The following ARHGAP6 variants were observed in gnomAD, a reference collection of about 807,000 sequenced individuals.
The protein encoded by ARHGAP6 is Rho GTPase activating protein 6.
In ARHGAP6, 16 loss-of-function variants were observed where a neutral mutation model predicts 55.7. The ratio of observed to expected loss-of-function variants is 0.29; its 90% confidence interval spans 0.19 to 0.44. The LOEUF (loss-of-function observed/expected upper bound fraction) is 0.44, where lower values mean the gene tolerates loss of function less well. ARHGAP6 is among the 20% of genes least tolerant of loss of function. ARHGAP6 has a pLI of 1.00. For synonymous variants in ARHGAP6, 382 were observed against 360.9 expected, an observed-to-expected ratio of 1.06 and a Z score of -0.66; for missense variants, 698 against 808.9, an observed-to-expected ratio of 0.86 and a Z score of 1.66.
intron 9 of ARHGAP6, among the ~76,000 whole-genome samples, chrX:11,160,054 G>C (rs1045761636): frequency 9.0e-6 from 1 of 110,821 alleles, no homozygotes; most frequent in African/African-American, 3.3e-5. Context: ...TGTATGTCCC[G>C]ATCTCTTTTT....
intron 1 of ARHGAP6, among the ~76,000 whole-genome samples, chrX:11,285,132 C>T (rs1405015994): frequency 9.3e-6 from 1 of 107,024 alleles, no homozygotes; most frequent in Non-Finnish European, 1.9e-5. Context: ...GAGTGGGGAA[C>T]AGATCTTTCC....
intron 1 of ARHGAP6, among the ~76,000 whole-genome samples, chrX:11,465,891 A>G (rs909231105): frequency 2.3e-4 from 25 of 110,449 alleles, no homozygotes; most frequent in Non-Finnish European, 4.2e-4. Flanking sequence ...ACTCAACTAT[A>G]TTTTCCTACC....
intron 1 of ARHGAP6, among the ~76,000 whole-genome samples, chrX:11,437,049 T>C (rs1475265467): frequency 9.2e-6 from 1 of 109,238 alleles, no homozygotes; most frequent in East Asian, 2.9e-4. Flanking sequence ...TTTACCTCCA[T>C]AAAGTAGAAG....
chrX:11,521,543 C>G lies in ARHGAP6; in HGVS notation c.588+142698G>C, dbSNP rs985042733. Among the ~76,000 whole-genome samples, 6 of 111,951 alleles carry G rather than the reference C, an allele frequency of 5.4e-5. No homozygotes were observed. In the Admixed American group the frequency reaches 5.7e-4, roughly 11 times the overall value. The stretch of plus-strand genomic sequence containing the variant: ...TCTCTGTTTTGGTATCAGTACCATG[C>G]TGTTTTGGTTACTGTAGCCTTATAG... On this transcript the variant is annotated intron_variant, in intron 1 of 12. Transcript: ENST00000337414.
At chrX:11,643,184 C>T (rs981406073) in intron 1 of ARHGAP6, among the ~76,000 whole-genome samples, 3 of 111,835 alleles carry the variant, frequency 2.7e-5, no homozygotes, top group Non-Finnish European at 5.7e-5. Context: ...ACACCAGAGC[C>T]TTGTCTTCCC....
chrX:11,151,772 T>G (rs1169223777), intron 10 of ARHGAP6, among the ~76,000 whole-genome samples: 1 of 112,167 alleles, frequency 8.9e-6, no homozygotes, highest in Non-Finnish European at 1.9e-5. Context: ...TCTTTTCCCC[T>G]CCAAATAAAA....
chrX:11,357,276 T>A (rs1034288908), intron 1 of ARHGAP6, among the ~76,000 whole-genome samples: 6 of 111,872 alleles, frequency 5.4e-5, no homozygotes, highest in African/African-American at 1.9e-4. Context: ...TTACCTTTTA[T>A]AATATAATTT....
At chrX:11,618,495 T>C (rs1312473001) in intron 1 of ARHGAP6, among the ~76,000 whole-genome samples, 2 of 112,171 alleles carry the variant, frequency 1.8e-5, no homozygotes, top group African/African-American at 6.5e-5. Flanking sequence ...GCTGATATAT[T>C]CTAGGTGTCT....
intron 1 of ARHGAP6, among the ~76,000 whole-genome samples, chrX:11,365,171 G>A (rs770292346): frequency 6.2e-5 from 7 of 112,152 alleles, no homozygotes; most frequent in Non-Finnish European, 9.4e-5. Context: ...TGAAACTGAT[G>A]CAGCCATCTT....
At chrX:11,422,841 A>G (rs961407158) in intron 1 of ARHGAP6, among the ~76,000 whole-genome samples, 3 of 112,396 alleles carry the variant, frequency 2.7e-5, no homozygotes, top group African/African-American at 9.7e-5. Context: ...CTGATTTTTT[A>G]TCAATTAGTA....
chrX:11,512,094 G>A (rs1333613625), intron 1 of ARHGAP6, among the ~76,000 whole-genome samples: 1 of 111,548 alleles, frequency 9.0e-6, no homozygotes, highest in Non-Finnish European at 1.9e-5. Flanking sequence ...CCAAAGTGCT[G>A]GGATTACAGG....
intron 1 of ARHGAP6, among the ~76,000 whole-genome samples, chrX:11,352,120 T>G (rs752208387): frequency 8.9e-6 from 1 of 112,698 alleles, no homozygotes; most frequent in African/African-American, 3.2e-5. Context: ...ACATGATCAC[T>G]TAATAGTCCT....
At chrX:11,358,485 CTTTT>C (rs1555998517) in intron 1 of ARHGAP6, among the ~76,000 whole-genome samples, 67 of 39,473 alleles carry the variant, frequency 1.7e-3, no homozygotes, top group African/African-American at 5.6e-3. Flanking sequence ...TTCTTTCTTT[CTTTT>C]TTTTTTTTTG....
intron 1 of ARHGAP6, among the ~76,000 whole-genome samples, chrX:11,260,561 C>T (rs2047547073): frequency 1.8e-5 from 2 of 111,646 alleles, no homozygotes; most frequent in East Asian, 2.8e-4. Context: ...AAATACTTTA[C>T]GCTCTGTGGG....
chrX:11,211,853 T>A (rs1168979943), intron 2 of ARHGAP6, among the ~76,000 whole-genome samples: 1 of 112,091 alleles, frequency 8.9e-6, no homozygotes, highest in African/African-American at 3.2e-5. Flanking sequence ...GAACAGTTTT[T>A]AAAAATTGTA....
intron 1 of ARHGAP6, among the ~76,000 whole-genome samples, chrX:11,640,107 G>A (rs997489630): frequency 3.6e-5 from 4 of 111,310 alleles, no homozygotes; most frequent in Non-Finnish European, 7.6e-5. Context: ...TTTTTTATCA[G>A]CTTCTGATTC....
chrX:11,580,266 T>C (rs1196476323), intron 1 of ARHGAP6, among the ~76,000 whole-genome samples: 2 of 112,484 alleles, frequency 1.8e-5, no homozygotes, highest in African/African-American at 6.5e-5. Context: ...TTTTCATTGC[T>C]CTTTCACACT....
chrX:11,244,387 C>T (rs2047325986), intron 2 of ARHGAP6, among the ~76,000 whole-genome samples: 1 of 111,472 alleles, frequency 9.0e-6, no homozygotes, highest in African/African-American at 3.3e-5. Context: ...AATGGACTGG[C>T]TATGGCCCAT....
intron 1 of ARHGAP6, among the ~76,000 whole-genome samples, chrX:11,637,795 T>C (rs189992720): frequency 1.8e-5 from 2 of 110,818 alleles, no homozygotes; most frequent in East Asian, 5.7e-4. Flanking sequence ...GTCTTCTTAA[T>C]TACAAGTAAT....
Sources: gnomAD v4.1 joint callset for allele counts (sites outside exome capture counted in the v4.1 genomes callset) on GRCh38, gnomAD v4.1.1 for gene constraint, MANE v1.5 for transcripts, NCBI Gene and HGNC (gene_info 2026-07-23, HGNC 2026-07-21) for gene names.